MKRN3: variants seen among roughly 807,000 people sequenced by gnomAD.
MKRN3 encodes E3 ubiquitin-protein ligase makorin-3.
For missense variants in MKRN3, 749 were observed against 667.0 expected (o/e 1.12, Z -1.35); for synonymous variants, 301 against 250.2 (o/e 1.20, Z -1.91).
In MKRN3 at chr15:23,565,880, C is replaced by A. The variant is rs750009853; in HGVS notation, c.98C>A (p.Pro33His). ...GAGGGTGTGTCTGGGCCGGACCTTC[C>A]CGTCTGTGAGCCCTCCGGGGAATCT... ...AREGVSGPDL[P>H]VCEPSGESAA... Residue 33 changes from proline (P) to histidine (H), a missense_variant, in exon 1 of 1, where the codon CCC becomes CAC. Physicochemically the swap from Pro to His is moderately conservative, Grantham distance 77. Coordinates refer to ENST00000314520, the MANE Select transcript of MKRN3 (RefSeq NM_005664.4). 5.0e-6 allele frequency: 8 copies of A among 1,613,874 alleles called. No homozygotes were observed. The highest frequency in any genetic ancestry group is 6.8e-6 in the Non-Finnish European group (8 of 1,179,926).
Position 23,566,393 on chromosome 15 carries a change from T to A in MKRN3, c.611T>A (p.Ile204Asn), listed in dbSNP as rs546034306. 4 of 1,614,044 alleles carry A rather than the reference T, an allele frequency of 2.5e-6. No homozygotes were observed. Among genetic ancestry groups the A allele is most frequent in the Non-Finnish European group, 3.4e-6 (4 of 1,180,000 alleles). ...GAGVESWADA[I>N]EFVPGQPYRG... ...GGTGTAGAAAGCTGGGCGGATGCCA[T>A]TGAGTTTGTTCCAGGGCAGCCCTAC... is the stretch of plus-strand genomic sequence containing the variant. The change falls in exon 1 of 1, where the codon ATT becomes AAT. Residue 204 changes from isoleucine to asparagine, a missense_variant. Transcript: ENST00000314520.
chr15:23,566,547 G>A lies in MKRN3; in HGVS notation c.765G>A (p.Gly255=), dbSNP rs1431346622. Reference sequence around the variant, plus strand: ...CTTCCAGGGGAGTTTGCTTTCGTGGGGAGAGCTGTATGTACCTCCATGGAG... The same window carrying A: ...CTTCCAGGGGAGTTTGCTTTCGTGGAGAGAGCTGTATGTACCTCCATGGAG... ...YYASRGVCFR[G]ESCMYLHGDI... is the part of the protein sequence containing the mutation. The change falls in exon 1 of 1, where the codon GGG becomes GGA. Residue 255 remains glycine (G), a synonymous_variant. Transcript: ENST00000314520. The A allele has an allele frequency of 6.2e-7, 1 of 1,614,170 alleles. No individual in the cohort carries two copies. Among genetic ancestry groups the A allele is most frequent in the Middle Eastern group, 1.6e-4 (1 of 6,062 alleles).
chr15:23,567,633 G>A lies in MKRN3; in HGVS notation c.*327G>A, dbSNP rs375993486. 2.0e-5 allele frequency: 22 copies of A among 1,113,852 alleles called. No individual in the cohort carries two copies. The African/African-American group carries it at 3.3e-4, about 17-fold the overall frequency. The allele number at this position is 1,113,852 out of a possible 1,614,324, so 69.0% of individuals were successfully genotyped here. A position where few individuals can be genotyped will look rare whatever the true frequency, so the allele number is the denominator to read the frequency against. On this transcript the variant is annotated 3_prime_UTR_variant, in exon 1 of 1. Coordinates refer to ENST00000314520, the MANE Select transcript of MKRN3 (RefSeq NM_005664.4). ...ATTTTGAAGACCCTCAAGAGTAAAT[G>A]TGGCAGAGTGAAAGGAGAAGTTTTA...
Position 23,565,881 on chromosome 15 carries a change from C to G in MKRN3, c.99C>G (p.Pro33=). ...AGGGTGTGTCTGGGCCGGACCTTCCCGTCTGTGAGCCCTCCGGGGAATCTG... is the reference window on the plus strand; with the variant it reads ...AGGGTGTGTCTGGGCCGGACCTTCCGGTCTGTGAGCCCTCCGGGGAATCTG... The part of the protein sequence containing the change: ...AREGVSGPDL[P]VCEPSGESAA... Residue 33 remains proline (P), a synonymous_variant, in exon 1 of 1, where the codon CCC becomes CCG. Coordinates refer to ENST00000314520, the MANE Select transcript of MKRN3 (RefSeq NM_005664.4). The G allele has an allele frequency of 1.9e-6, 3 of 1,613,872 alleles. No individual in the cohort carries two copies. The highest frequency in any genetic ancestry group is 1.1e-5 in the South Asian group (1 of 91,070).
rs142966356 is a variant in MKRN3, at chr15:23,566,226, C to T, written c.444C>T (p.His148=). The T allele has an allele frequency of 1.3e-5, 21 of 1,613,546 alleles. No homozygotes were observed. Among genetic ancestry groups the T allele is most frequent in the Middle Eastern group, 1.6e-4 (1 of 6,080 alleles). ...GTGGAGGCCCTAGCACGGCTGCGCACATCGAGCCCCCGACTCAGGAAGTGG... is the reference window on the plus strand; with the variant it reads ...GTGGAGGCCCTAGCACGGCTGCGCATATCGAGCCCCCGACTCAGGAAGTGG... ...SAGGGPSTAA[H]IEPPTQEVAE... Residue 148 remains histidine (H), a synonymous_variant, in exon 1 of 1, where the codon CAC becomes CAT. Coordinates refer to ENST00000314520, the MANE Select transcript of MKRN3 (RefSeq NM_005664.4).
In MKRN3 at chr15:23,566,104, C is replaced by T; in HGVS notation, c.322C>T (p.Gln108Ter). The change falls in exon 1 of 1, where the codon CAG becomes TAG. Residue 108 changes from glutamine to a stop codon, truncating the protein, a stop_gained. Transcript: ENST00000314520. LOFTEE classifies it low-confidence loss of function (END_TRUNC). ...CATCTGCAGGTATTATATACATGGGCAGTGCAAGGAGGGGGAGAACTGTCG... is the reference window on the plus strand; with the variant it reads ...CATCTGCAGGTATTATATACATGGGTAGTGCAAGGAGGGGGAGAACTGTCG... ...QIICRYYIHG[Q>*]CKEGENCRYS... is the part of the protein sequence containing the mutation. 1 of 1,614,164 alleles carries T rather than the reference C, an allele frequency of 6.2e-7. No individual in the cohort carries two copies. The highest frequency in any genetic ancestry group is 1.3e-5 in the African/African-American group (1 of 75,060).
At position 23,566,474 on chromosome 15, in the gene MKRN3, A is replaced by C. The variant is rs189534049; in HGVS notation, c.692A>C (p.Glu231Ala). 6.2e-7 allele frequency: 1 copy of C among 1,614,080 alleles called. No individual in the cohort carries two copies. The highest frequency in any genetic ancestry group is 8.5e-7 in the Non-Finnish European group (1 of 1,179,992). The change falls in exon 1 of 1, where the codon GAG becomes GCG. Residue 231 changes from glutamate (E) to alanine (A), a missense_variant. By Grantham distance (107) the Glu-to-Ala change is moderately radical (BLOSUM62 -1). Coordinates refer to ENST00000314520, the MANE Select transcript of MKRN3 (RefSeq NM_005664.4). ...PEAPLQSSET[E>A]RKQMAVGSGL... is the part of the protein sequence containing the mutation. ...GCTCCTCTACAGAGCTCAGAGACTG[A>C]GAGGAAGCAGATGGCTGTGGGCAGT...
chr15:23,566,502 G>A lies in MKRN3; in HGVS notation c.720G>A (p.Gly240=). 1 of 1,614,172 alleles carries A rather than the reference G, an allele frequency of 6.2e-7. No individual in the cohort carries two copies. Among genetic ancestry groups the A allele is most frequent in the East Asian group, 2.2e-5 (1 of 44,872 alleles). ...GGAAGCAGATGGCTGTGGGCAGTGG[G>A]TTGCGGTTTTGCTATTATGCTTCCA... ...TERKQMAVGS[G]LRFCYYASRG... Residue 240 remains glycine (G), a synonymous_variant, in exon 1 of 1, where the codon GGG becomes GGA. Transcript: ENST00000314520.
chr15:23,566,797 T>C lies in MKRN3; in HGVS notation c.1015T>C (p.Phe339Leu). The C allele has an allele frequency of 6.2e-7, 1 of 1,614,222 alleles. No homozygotes were observed. Among genetic ancestry groups the C allele is most frequent in the Non-Finnish European group, 8.5e-7 (1 of 1,180,042 alleles). ...CATTCTTTCCAATTGCAACCATTCC[T>C]TCTGTATTAGGTGTATCCGCAGGTG... ...FGILSNCNHS[F>L]CIRCIRRWRS... Residue 339 changes from phenylalanine to leucine, a missense_variant, in exon 1 of 1, where the codon TTC (phenylalanine) becomes CTC (leucine). Physicochemically the swap from Phe to Leu is conservative, Grantham distance 22 (BLOSUM62 0). Transcript: ENST00000314520.
At position 23,566,277 on chromosome 15, in the gene MKRN3, C is replaced by T. The variant is rs747691232; in HGVS notation, c.495C>T (p.Ser165=). ...EVAEAPPAAS[S]LSLPVIGSAA... ...CGGAAGCCCCCCCGGCTGCATCCTC[C>T]CTTTCCTTGCCTGTGATTGGCTCGG... The change falls in exon 1 of 1, where the codon TCC becomes TCT. Residue 165 remains serine, a synonymous_variant. Transcript: ENST00000314520. 7 of 1,613,964 alleles carry T rather than the reference C, an allele frequency of 4.3e-6. No individual in the cohort carries two copies. The highest frequency in any genetic ancestry group is 1.6e-4 in the Middle Eastern group (1 of 6,082).
Position 23,567,283 on chromosome 15 carries a change from G to A in MKRN3, c.1501G>A (p.Glu501Lys). Reference sequence around the variant, plus strand: ...GGACTTGCTTCATTATGAGCTGGAAGAATATTTCAATTTGATTCTGTAGCA... The same window carrying A: ...GGACTTGCTTCATTATGAGCTGGAAAAATATTTCAATTTGATTCTGTAGCA... ...QWDLLHYELE[E>K]YFNLIL The change falls in exon 1 of 1, where the codon GAA becomes AAA. Residue 501 changes from glutamate (E) to lysine (K), a missense_variant. Glu to Lys is a moderately conservative substitution (Grantham distance 56). Coordinates refer to ENST00000314520, the MANE Select transcript of MKRN3 (RefSeq NM_005664.4). 6.2e-7 allele frequency: 1 copy of A among 1,614,150 alleles called. No homozygotes were observed. Among genetic ancestry groups the A allele is most frequent in the Non-Finnish European group, 8.5e-7 (1 of 1,180,002 alleles).
chr15:23,567,523 G>A lies in MKRN3; in HGVS notation c.*217G>A. The A allele has an allele frequency of 1.2e-5, 17 of 1,393,990 alleles. No homozygotes were observed. Among genetic ancestry groups the A allele is most frequent in the Non-Finnish European group, 1.6e-5 (17 of 1,071,558 alleles). The allele number at this position is 1,393,990 out of a possible 1,614,324, so 86.4% of individuals were successfully genotyped here. A position where few individuals can be genotyped will look rare whatever the true frequency, so the allele number is the denominator to read the frequency against. ...CTGTTTTGGTGAAATTAATATTAAT[G>A]TCAGCTTATGGCTTTTTTTTGTCAT... On this transcript the variant is annotated 3_prime_UTR_variant, in exon 1 of 1. Transcript: ENST00000314520.
Position 23,567,078 on chromosome 15 carries a change from G to A in MKRN3, c.1296G>A (p.Gly432=). ...YPEGWGDEPP[G]PGGGSFSAYW... ...AGGGCTGGGGAGATGAGCCTCCTGG[G>A]CCAGGTGGTGGGTCATTCAGCGCAT... The change falls in exon 1 of 1, where the codon GGG becomes GGA. Residue 432 remains glycine (G), a synonymous_variant. Transcript: ENST00000314520. 6.2e-7 allele frequency: 1 copy of A among 1,614,210 alleles called. No homozygotes were observed. Among genetic ancestry groups the A allele is most frequent in the Non-Finnish European group, 8.5e-7 (1 of 1,180,038 alleles).
chr15:23,566,942 T>G lies in MKRN3; in HGVS notation c.1160T>G (p.Leu387Arg), dbSNP rs1180324511. The G allele has an allele frequency of 6.2e-7, 1 of 1,614,180 alleles. No homozygotes were observed. ...GAGGAGGAGGAAGAGAAGCAGAAAC[T>G]TATTCAGCAATACAAGGAGGCAATG... ...WVEEEEEKQK[L>R]IQQYKEAMSN... Residue 387 changes from leucine (L) to arginine (R), a missense_variant, in exon 1 of 1, where the codon CTT becomes CGT. Leu to Arg is a moderately radical substitution (Grantham distance 102). Coordinates refer to ENST00000314520, the MANE Select transcript of MKRN3 (RefSeq NM_005664.4).
rs766264703 is a variant in MKRN3 at position 23,567,223 on chromosome 15, C to G, written c.1441C>G (p.Leu481Val). 2 of 1,614,150 alleles carry G rather than the reference C, an allele frequency of 1.2e-6. No individual in the cohort carries two copies. The highest frequency in any genetic ancestry group is 8.5e-7 in the Non-Finnish European group (1 of 1,179,956). Reference protein sequence around the residue: ...ASLLFKRFLSLRDELPFSEDQ... With the variant: ...ASLLFKRFLSVRDELPFSEDQ... Reference sequence around the variant, plus strand: ...TCTGTTGTTTAAGCGGTTTCTTTCACTGAGAGATGAGTTACCCTTCTCTGA... The same window carrying G: ...TCTGTTGTTTAAGCGGTTTCTTTCAGTGAGAGATGAGTTACCCTTCTCTGA... The change falls in exon 1 of 1, where the codon CTG becomes GTG. Residue 481 changes from leucine (L) to valine (V), a missense_variant. Physicochemically the swap from Leu to Val is conservative, Grantham distance 32. Coordinates refer to ENST00000314520, the MANE Select transcript of MKRN3 (RefSeq NM_005664.4).
In MKRN3 at chr15:23,567,455, A is replaced by T. The variant is rs1889129442; in HGVS notation, c.*149A>T. On this transcript the variant is annotated 3_prime_UTR_variant, in exon 1 of 1. Coordinates refer to ENST00000314520, the MANE Select transcript of MKRN3 (RefSeq NM_005664.4). ...TATTCTGCATATCTTTCCCCCTAGG[A>T]TTATGGTGATTATCTGTGTTAAAAA... 6.9e-7 allele frequency: 1 copy of T among 1,458,062 alleles called. No individual in the cohort carries two copies. The highest frequency in any genetic ancestry group is 2.8e-5 in the Admixed American group (1 of 35,182). The allele number at this position is 1,458,062 out of a possible 1,614,324, so 90.3% of individuals were successfully genotyped here. A position where few individuals can be genotyped will look rare whatever the true frequency, so the allele number is the denominator to read the frequency against.
rs376939836 is a variant in MKRN3, at chr15:23,566,789, A to G, written c.1007A>G (p.Asn336Ser). 14 of 1,614,086 alleles carry G rather than the reference A, an allele frequency of 8.7e-6. No homozygotes were observed. Among genetic ancestry groups the G allele is most frequent in the South Asian group, 2.2e-5 (2 of 91,082 alleles). Residue 336 changes from asparagine (N) to serine (S), a missense_variant, in exon 1 of 1, where the codon AAC becomes AGC. Transcript: ENST00000314520. ...CGCTTTGGCATTCTTTCCAATTGCAACCATTCCTTCTGTATTAGGTGTATC... is the reference window on the plus strand; with the variant it reads ...CGCTTTGGCATTCTTTCCAATTGCAGCCATTCCTTCTGTATTAGGTGTATC... ...DRRFGILSNC[N>S]HSFCIRCIRR...
Position 23,566,726 on chromosome 15 carries a change from T to C in MKRN3, c.944T>C (p.Met315Thr). Residue 315 changes from methionine (M) to threonine (T), a missense_variant, in exon 1 of 1, where the codon ATG becomes ACG. Transcript: ENST00000314520. ...ATGGACAAGGTGTGTGGCATCTGCA[T>C]GGAGGTTGTCTATGAGAAGGCCAAC... ...RGMDKVCGIC[M>T]EVVYEKANPN... is the part of the protein sequence containing the mutation. The C allele has an allele frequency of 6.2e-7, 1 of 1,614,244 alleles. No homozygotes were observed. The highest frequency in any genetic ancestry group is 8.5e-7 in the Non-Finnish European group (1 of 1,180,044).
rs140467331 is a variant in MKRN3, at chr15:23,566,883, C to T, written c.1101C>T (p.Thr367=). The T allele has an allele frequency of 5.6e-6, 9 of 1,614,112 alleles. No homozygotes were observed. Among genetic ancestry groups the T allele is most frequent in the African/African-American group, 1.3e-5 (1 of 74,934 alleles). ...AGTCTTGCCCACAGTGCAGGGTCACCTCTGAATTGGTCATTCCCAGTGAGT... is the reference window on the plus strand; with the variant it reads ...AGTCTTGCCCACAGTGCAGGGTCACTTCTGAATTGGTCATTCCCAGTGAGT... The part of the protein sequence containing the change: ...IVKSCPQCRV[T]SELVIPSEFW... The change falls in exon 1 of 1, where the codon ACC becomes ACT. Residue 367 remains threonine (T), a synonymous_variant. Transcript: ENST00000314520.
Sources: gnomAD v4.1 joint callset for allele counts on GRCh38, gnomAD v4.1.1 for gene constraint, MANE v1.5 for transcripts, NCBI Gene and HGNC (gene_info 2026-07-23, HGNC 2026-07-21) for gene names.